WLS: variants seen among roughly 807,000 people sequenced by gnomAD.
WLS encodes the protein protein wntless homolog.
Under a neutral mutation model 62.8 loss-of-function variants are expected in WLS, and 23 were observed. That is an observed-to-expected ratio of 0.37 (90% confidence interval 0.26 to 0.52). The LOEUF is 0.52. Ranked by LOEUF, WLS falls within the 20% of genes least tolerant of loss-of-function variation. The pLI is 0.92. For synonymous variants in WLS, 246 were observed against 244.1 expected, an observed-to-expected ratio of 1.01 and a Z score of -0.07; for missense variants, 615 against 697.3, an observed-to-expected ratio of 0.88 and a Z score of 1.33.
At chr1:68,148,858 G>A (rs989039049) in intron 6 of WLS, among the ~76,000 whole-genome samples, 198 bp from the exon 7 acceptor site, 3 of 152,076 alleles carry the variant, frequency 2.0e-5, no homozygotes, top group East Asian at 3.9e-4. Context: ...TGGCACATAC[G>A]TAGAACATGA....
intron 1 of WLS, among the ~76,000 whole-genome samples, chr1:68,200,541 G>T (rs544491965): frequency 1.8e-4 from 27 of 151,422 alleles, no homozygotes; most frequent in South Asian, 1.0e-3. Context: ...TCAAAAGTTT[G>T]GGGAGCTTAT....
intron 8 of WLS, among the ~76,000 whole-genome samples, chr1:68,147,051 C>T (rs867540370): frequency 2.6e-5 from 4 of 152,094 alleles, no homozygotes; most frequent in Middle Eastern, 3.2e-3. Context: ...ACACCTGGCC[C>T]AAATTGTCTA....
intron 2 of WLS, chr1:68,162,622 C>A: frequency 1.5e-6 from 2 of 1,299,318 alleles, no homozygotes; most frequent in East Asian, 4.6e-5. Context: ...TGTGCCTTAC[C>A]GCAGTGCTTG....
chr1:68,201,574 C>G (rs908041698), intron 1 of WLS, among the ~76,000 whole-genome samples: 2 of 152,148 alleles, frequency 1.3e-5, no homozygotes, highest in Admixed American at 1.3e-4. Context: ...GAGACTAGAC[C>G]AGAAGTGATT....
chr1:68,232,440 G>T lies in WLS; in HGVS notation c.-141C>A, dbSNP rs956886835. 1.8e-5 allele frequency: 25 copies of T among 1,421,164 alleles called. No homozygotes were observed. The highest frequency in any genetic ancestry group is 2.1e-5 in the Non-Finnish European group (23 of 1,086,862). The allele number at this position is 1,421,164 out of a possible 1,614,324, so 88.0% of individuals were successfully genotyped here. ...TTCAGAGGTGCTGGAGCGCGGCGAGGATGGGACCGGGACGGAAGGCGCCCG... is the reference window on the plus strand; with the variant it reads ...TTCAGAGGTGCTGGAGCGCGGCGAGTATGGGACCGGGACGGAAGGCGCCCG... On this transcript the variant is annotated 5_prime_UTR_variant, in exon 1 of 12. Coordinates refer to ENST00000262348, the MANE Select transcript of WLS (RefSeq NM_024911.7).
At chr1:68,110,801 G>C (rs7519516) in intron 11 of WLS, among the ~76,000 whole-genome samples, 70,288 of 151,258 alleles carry the variant, frequency 0.46, 16,587 homozygotes, top group Middle Eastern at 0.54. Context: ...ATCATGAGTG[G>C]CTTATTCAAT....
Position 68,126,076 on chromosome 1 carries a change from C to G in WLS, c.*150G>C. 1 of 1,442,228 alleles carries G rather than the reference C, an allele frequency of 6.9e-7. No individual in the cohort carries two copies. The highest frequency in any genetic ancestry group is 9.1e-7 in the Non-Finnish European group (1 of 1,093,788). 89.3% of individuals were successfully genotyped at this position (1,442,228 alleles called of 1,614,324 possible). A position where few individuals can be genotyped will look rare whatever the true frequency, so the allele number is the denominator to read the frequency against. ...CCAAAAGCTACCGTCAGAAGGCAAA[C>G]TGACAAATGTCCATGCCGCTGGTCC... On this transcript the variant is annotated 3_prime_UTR_variant, in exon 12 of 12. Transcript: ENST00000262348.
intron 11 of WLS, among the ~76,000 whole-genome samples, chr1:68,103,142 C>T (rs1466083013): frequency 6.6e-6 from 1 of 152,176 alleles, no homozygotes; most frequent in African/African-American, 2.4e-5. Flanking sequence ...AATTACATGG[C>T]TGGACTTCTC....
intron 11 of WLS, among the ~76,000 whole-genome samples, chr1:68,115,086 A>T (rs1243983871): frequency 6.6e-6 from 1 of 152,162 alleles, no homozygotes; most frequent in African/African-American, 2.4e-5. Flanking sequence ...GTCTTTGAAA[A>T]TAATGATACA....
intron 2 of WLS, among the ~76,000 whole-genome samples, chr1:68,167,665 C>T (rs928988201): frequency 2.0e-5 from 3 of 152,166 alleles, no homozygotes; most frequent in Non-Finnish European, 2.9e-5. Context: ...GATTTGAAAT[C>T]CATGGTTTTC....
chr1:68,199,226 C>T (rs1157400087), intron 1 of WLS, among the ~76,000 whole-genome samples: 1 of 152,150 alleles, frequency 6.6e-6, no homozygotes. Flanking sequence ...AGGAGCATTA[C>T]TATTATGCAG....
intron 11 of WLS, among the ~76,000 whole-genome samples, chr1:68,133,051 GCAGCAA>G (rs758790909): frequency 1.3e-5 from 2 of 151,954 alleles, no homozygotes; most frequent in African/African-American, 4.8e-5. Flanking sequence ...AAAGGCAGCA[GCAGCAA>G]CAGCAACAGC....
Position 68,174,316 on chromosome 1 carries a change from G to C in WLS, c.380-15069C>G, listed in dbSNP as rs575532976. 2.6e-5 allele frequency among the ~76,000 whole-genome samples: 4 copies of C among 152,314 alleles called. 1 individual carries two copies. In the East Asian group the frequency reaches 7.7e-4, roughly 29 times the overall value. ...GTCAGGCCAGTGTTATTCACACGAA[G>C]TATTTGTTTCATACGGCTTATGTGG... On this transcript the variant is annotated intron_variant, in intron 2 of 11. Coordinates refer to ENST00000262348, the MANE Select transcript of WLS (RefSeq NM_024911.7).
At chr1:68,148,108 A>T (rs1429226338) in intron 8 of WLS, 28 bp downstream of exon 8, 3 of 1,613,198 alleles carry the variant, frequency 1.9e-6, no homozygotes, top group Non-Finnish European at 2.5e-6. Context: ...GGAAGAAATA[A>T]AACCCTGAGC....
chr1:68,109,777 C>A (rs1313244912), intron 11 of WLS, among the ~76,000 whole-genome samples: 1 of 151,952 alleles, frequency 6.6e-6, no homozygotes, highest in Admixed American at 6.6e-5. Context: ...GCTCATTTTA[C>A]TACCTTCTCC....
At position 68,145,952 on chromosome 1, in the gene WLS, T is replaced by G. The variant is rs1224245364; in HGVS notation, c.1195A>C (p.Met399Leu). ...LCLYFLFLCF[M>L]VFQVFRNISG... ...ATGTTCCGAAACACCTGAAATACCA[T>G]GAAGCATAGAAACAGGAAGTAGAGG... The change falls in exon 9 of 12, where the codon ATG (methionine) becomes CTG (leucine). Residue 399 changes from methionine (M) to leucine (L), a missense_variant. Coordinates refer to ENST00000262348, the MANE Select transcript of WLS (RefSeq NM_024911.7). 1 of 1,614,110 alleles carries G rather than the reference T, an allele frequency of 6.2e-7. No homozygotes were observed. The highest frequency in any genetic ancestry group is 1.7e-5 in the Admixed American group (1 of 60,014).
intron 1 of WLS, among the ~76,000 whole-genome samples, chr1:68,223,538 G>T (rs934035893): frequency 1.3e-5 from 2 of 152,176 alleles, no homozygotes; most frequent in African/African-American, 4.8e-5. Flanking sequence ...AACAGAGAGG[G>T]ACAAAGAAAT....
At chr1:68,141,009 A>C in intron 10 of WLS, among the ~76,000 whole-genome samples, 1 of 144,428 alleles carries the variant, frequency 6.9e-6, no homozygotes. Flanking sequence ...AAATCCCCAA[A>C]TCTCACCCTC....
intron 2 of WLS, among the ~76,000 whole-genome samples, chr1:68,190,455 G>C (rs1415940700): frequency 3.9e-5 from 6 of 152,202 alleles, no homozygotes; most frequent in African/African-American, 1.4e-4. Context: ...CAGAAGTGAT[G>C]GAATGTCGTT....
Sources: gnomAD v4.1 joint callset for allele counts (sites outside exome capture counted in the v4.1 genomes callset) on GRCh38, gnomAD v4.1.1 for gene constraint, MANE v1.5 for transcripts, NCBI Gene and HGNC (gene_info 2026-07-23, HGNC 2026-07-21) for gene names.